The following STMN4 variants were observed in gnomAD, a reference collection of about 807,000 sequenced individuals.
STMN4 encodes the protein stathmin-4.
A neutral mutation model predicts 29.1 loss-of-function variants in STMN4; 12 were observed. The ratio of observed to expected loss-of-function variants is 0.41; its 90% CI spans 0.26 to 0.67. STMN4 has a LOEUF of 0.67. Among genes scored for constraint, STMN4 ranks in the 30% least tolerant of loss-of-function variants. The pLI is 0.30. For missense variants in STMN4, 181 were observed against 262.8 expected (o/e 0.69, Z 2.15); for synonymous variants, 114 against 105.3 (o/e 1.08, Z -0.51).
rs761711646 is a variant in STMN4 at position 27,242,429 on chromosome 8, T to G, written c.77A>C (p.Asp26Ala). The change falls in exon 3 of 7, where the codon GAT becomes GCT. Residue 26 changes from aspartate (D) to alanine (A), a missense_variant. Physicochemically the swap from Asp to Ala is moderately radical, Grantham distance 126. Coordinates refer to ENST00000350889, the MANE Select transcript of STMN4 (RefSeq NM_030795.4). ...VSLFCSCFLA[D>A]PLNKSSYKYE... ...TTTGTAGGACGACTTATTCAGGGGA[T>G]CGGCCAGGAAGCAGGAGCAGAACAA... 1.2e-6 allele frequency: 2 copies of G among 1,614,124 alleles called. No individual in the cohort carries two copies. Among genetic ancestry groups the G allele is most frequent in the South Asian group, 2.2e-5 (2 of 91,088 alleles).
chr8:27,239,611 A>T (rs530318550), intron 6 of STMN4: 114 of 1,173,350 alleles, frequency 9.7e-5, no homozygotes, highest in Middle Eastern at 2.7e-4. Flanking sequence ...CCTTCCATCA[A>T]ATCAATCCAT....
chr8:27,254,132 G>C (rs1015442725), intron 1 of STMN4, among the ~76,000 whole-genome samples: 1 of 152,192 alleles, frequency 6.6e-6, no homozygotes, highest in Non-Finnish European at 1.5e-5. Flanking sequence ...GGCAGGTGCA[G>C]ATGCTAGACA....
At chr8:27,240,451 G>A (rs1175084680) in intron 5 of STMN4, among the ~76,000 whole-genome samples, 1 of 151,786 alleles carries the variant, frequency 6.6e-6, no homozygotes, top group Non-Finnish European at 1.5e-5. Flanking sequence ...CTTATACTAT[G>A]TGCCAGGCAC....
chr8:27,239,274 C>T (rs781759955), intron 6 of STMN4: 8 of 1,535,574 alleles, frequency 5.2e-6, no homozygotes, highest in East Asian at 2.4e-5. Flanking sequence ...GCGCAGCAGG[C>T]GGTTCCTGGA....
intron 2 of STMN4, 140 bp downstream of exon 2, chr8:27,243,571 G>A: frequency 1.2e-6 from 1 of 858,788 alleles, no homozygotes; most frequent in Non-Finnish European, 2.0e-6. Context: ...ATGCCCCCAA[G>A]CCTCCCATCA....
In STMN4 at chr8:27,235,384, A is replaced by T. The variant is rs898664109; in HGVS notation, c.*1462T>A. ...AAAAACTACACAGTGTGCAGAGCAG[A>T]GTGGGAAGAGGTCCTGGGACCCGGT... On this transcript the variant is annotated 3_prime_UTR_variant, in exon 7 of 7. Coordinates refer to ENST00000350889, the MANE Select transcript of STMN4 (RefSeq NM_030795.4). The T allele has an allele frequency of 6.5e-6, 1 of 152,774 alleles. No individual in the cohort carries two copies. Among genetic ancestry groups the T allele is most frequent in the Admixed American group, 6.5e-5 (1 of 15,322 alleles). 9.5% of individuals were successfully genotyped at this position (152,774 alleles called of 1,614,324 possible). A position where few individuals can be genotyped will look rare whatever the true frequency, so the allele number is the denominator to read the frequency against.
chr8:27,240,805 G>C (rs1301971150), intron 5 of STMN4, among the ~76,000 whole-genome samples: 1 of 152,130 alleles, frequency 6.6e-6, no homozygotes, highest in African/African-American at 2.4e-5. Flanking sequence ...CATGCATATA[G>C]GGCCACCTCT....
At chr8:27,252,197 A>G (rs1206691389) in intron 1 of STMN4, among the ~76,000 whole-genome samples, 1 of 151,982 alleles carries the variant, frequency 6.6e-6, no homozygotes, top group African/African-American at 2.4e-5. Context: ...CATTTTCTTA[A>G]TCCAGTCTAT....
chr8:27,244,681 A>C (rs1020585171), intron 1 of STMN4, among the ~76,000 whole-genome samples: 2 of 152,108 alleles, frequency 1.3e-5, no homozygotes, highest in African/African-American at 4.8e-5. Context: ...GGTCGGGGTG[A>C]GAACGCCACT....
At chr8:27,258,152 C>T (rs1405015091) in intron 1 of STMN4, among the ~76,000 whole-genome samples, 199 bp downstream of exon 1, 1 of 152,184 alleles carries the variant, frequency 6.6e-6, no homozygotes, top group East Asian at 1.9e-4. Flanking sequence ...ACCCGGAGCC[C>T]ACCCTCACCC....
At chr8:27,243,668 G>A (rs370685824) in intron 2 of STMN4, 43 bp downstream of exon 2, 2 of 1,594,870 alleles carry the variant, frequency 1.3e-6, no homozygotes, top group Non-Finnish European at 1.7e-6. Flanking sequence ...GTGAGGGCAG[G>A]GGGAATAGCC....
chr8:27,243,664 G>T, intron 2 of STMN4, 47 bp downstream of exon 2: 2 of 1,583,276 alleles, frequency 1.3e-6, no homozygotes, highest in South Asian at 1.1e-5. Flanking sequence ...TTGGGTGAGG[G>T]CAGGGGGAAT....
intron 6 of STMN4, chr8:27,239,557 A>G (rs1471082741): frequency 2.6e-5 from 21 of 796,272 alleles, no homozygotes; most frequent in Non-Finnish European, 4.0e-5. Context: ...ATCTCAGCTC[A>G]TCATACCCGT....
In STMN4 at chr8:27,256,825, C is replaced by T. The variant is rs559685652; in HGVS notation, c.-79+1526G>A. 3.3e-5 allele frequency among the ~76,000 whole-genome samples: 5 copies of T among 152,214 alleles called. No individual in the cohort carries two copies. In the South Asian group the frequency reaches 1.0e-3, roughly 32 times the overall value. On this transcript the variant is annotated intron_variant, in intron 1 of 6. Coordinates refer to ENST00000350889, the MANE Select transcript of STMN4 (RefSeq NM_030795.4). ...ATCCCTAACATAATGCAAAAATCTC[C>T]TCTAAAGCCTCCCTGCTGGGTGGCC...
At chr8:27,239,217 G>A (rs556926886) in intron 6 of STMN4, 10 of 1,535,202 alleles carry the variant, frequency 6.5e-6, no homozygotes, top group Admixed American at 5.9e-5. Context: ...CGGGGACCAC[G>A]CTGCTCACCA....
intron 6 of STMN4, chr8:27,239,534 C>T: frequency 4.1e-6 from 3 of 725,774 alleles, no homozygotes; most frequent in Non-Finnish European, 6.6e-6. Flanking sequence ...ATCATGTTTC[C>T]TGCTCAGTGG....
At chr8:27,251,308 TTA>T (rs1008015235) in intron 1 of STMN4, among the ~76,000 whole-genome samples, 1 of 121,776 alleles carries the variant, frequency 8.2e-6, no homozygotes, top group Non-Finnish European at 1.8e-5. Context: ...ACATATAATA[TTA>T]TATATATACG....
At chr8:27,237,953 C>T (rs1293965573) in intron 6 of STMN4, among the ~76,000 whole-genome samples, 1 of 152,176 alleles carries the variant, frequency 6.6e-6, no homozygotes, top group Non-Finnish European at 1.5e-5. Context: ...GTTGTCCCTC[C>T]CAGAGCCTGG....
intron 1 of STMN4, 27 bp downstream of exon 1, chr8:27,258,324 A>G (rs536286334): frequency 6.6e-6 from 1 of 152,298 alleles, no homozygotes; most frequent in South Asian, 2.1e-4. Flanking sequence ...AAAAGCCTCA[A>G]ATTAGTTGCA....
Sources: gnomAD v4.1 joint callset for allele counts (sites outside exome capture counted in the v4.1 genomes callset) on GRCh38, gnomAD v4.1.1 for gene constraint, MANE v1.5 for transcripts, NCBI Gene and HGNC (gene_info 2026-07-23, HGNC 2026-07-21) for gene names.